POU6F2: variants seen among roughly 807,000 people sequenced by gnomAD.
POU6F2 encodes the protein POU domain, class 6, transcription factor 2.
Under a neutral mutation model 71.3 loss-of-function variants are expected in POU6F2, and 31 were observed. The ratio of observed to expected loss-of-function variants is 0.43; its 90% CI spans 0.33 to 0.59. The LOEUF is 0.59. Ranked by LOEUF, POU6F2 falls within the 20% of genes least tolerant of loss-of-function variation. The pLI, the probability that POU6F2 is intolerant of heterozygous loss-of-function variation, is 0.04. For synonymous variants in POU6F2, 347 were observed against 355.7 expected (o/e 0.98, Z 0.27); for missense variants, 783 against 856.8 (o/e 0.91, Z 1.07).
At chr7:39,124,124 G>A (rs1223773740) in intron 2 of POU6F2, among the ~76,000 whole-genome samples, 1 of 142,434 alleles carries the variant, frequency 7.0e-6, no homozygotes, top group East Asian at 2.2e-4. Flanking sequence ...TTGGCTCACT[G>A]CAACCTCCAC....
At chr7:39,440,871 C>CTTGTTG (rs201369280) in intron 7 of POU6F2, among the ~76,000 whole-genome samples, 81 of 151,922 alleles carry the variant, frequency 5.3e-4, no homozygotes, top group African/African-American at 1.6e-3. Flanking sequence ...TTTGTGAGGG[C>CTTGTTG]TTGTTGTTGT....
chr7:39,059,640 C>A (rs1790610607), intron 1 of POU6F2, among the ~76,000 whole-genome samples: 1 of 152,044 alleles, frequency 6.6e-6, no homozygotes, highest in African/African-American at 2.4e-5. Context: ...AATGTTAAAC[C>A]TATAGTTACC....
intron 1 of POU6F2, among the ~76,000 whole-genome samples, chr7:38,990,363 G>A (rs919745052): frequency 1.3e-5 from 2 of 152,090 alleles, no homozygotes; most frequent in African/African-American, 4.8e-5. Flanking sequence ...TTGTGGCCCT[G>A]GAGATGGAGT....
intron 1 of POU6F2, among the ~76,000 whole-genome samples, chr7:39,076,466 G>A (rs914681005): frequency 1.3e-5 from 2 of 152,090 alleles, no homozygotes; most frequent in Admixed American, 1.3e-4. Flanking sequence ...ATTTACCTAT[G>A]TAACAAACCT....
intron 5 of POU6F2, chr7:39,404,576 C>A (rs966361869): frequency 1.3e-5 from 2 of 152,148 alleles, no homozygotes; most frequent in African/African-American, 4.8e-5. Context: ...ACATTAAGAT[C>A]CAACTGAACA....
chr7:39,262,958 G>T, intron 4 of POU6F2, among the ~76,000 whole-genome samples: 1 of 152,072 alleles, frequency 6.6e-6, no homozygotes, highest in Non-Finnish European at 1.5e-5. Flanking sequence ...GAAAACAGAC[G>T]GGTTTCCTAA....
chr7:39,016,057 T>TATATATAATACATAGATATATATC (rs1789531872), intron 1 of POU6F2, among the ~76,000 whole-genome samples: 3 of 37,916 alleles, frequency 7.9e-5, no homozygotes, highest in Non-Finnish European at 1.6e-4. Context: ...TTATATATAT[T>TATATATAATACATAGATATATATC]ATATATAATA....
At chr7:39,401,749 C>A (rs944199738) in intron 5 of POU6F2, among the ~76,000 whole-genome samples, 1 of 152,146 alleles carries the variant, frequency 6.6e-6, no homozygotes, top group Admixed American at 6.5e-5. Flanking sequence ...TATGAATATC[C>A]TCATTTGAAA....
intron 2 of POU6F2, among the ~76,000 whole-genome samples, chr7:39,119,310 T>C (rs1791995420): frequency 2.0e-5 from 3 of 152,290 alleles, no homozygotes; most frequent in African/African-American, 7.2e-5. Context: ...GATTTACAGA[T>C]AGAAAATTAC....
At chr7:39,245,455 A>G (rs1451568575) in intron 4 of POU6F2, among the ~76,000 whole-genome samples, 2 of 152,212 alleles carry the variant, frequency 1.3e-5, no homozygotes, top group East Asian at 3.8e-4. Flanking sequence ...CCATTGGCCC[A>G]AGAGGTTGTC....
At chr7:39,107,141 C>T (rs867551133) in intron 2 of POU6F2, among the ~76,000 whole-genome samples, 4 of 151,058 alleles carry the variant, frequency 2.6e-5, no homozygotes, top group African/African-American at 9.7e-5. Context: ...ACCTTCTGGG[C>T]CCAAGTAATT....
chr7:39,114,859 C>T (rs1178757792), intron 2 of POU6F2, among the ~76,000 whole-genome samples: 1 of 152,092 alleles, frequency 6.6e-6, no homozygotes, highest in Non-Finnish European at 1.5e-5. Context: ...ATATTAGTTA[C>T]TCACATACAT....
At chr7:39,046,110 C>G (rs1321920440) in intron 1 of POU6F2, among the ~76,000 whole-genome samples, 1 of 151,786 alleles carries the variant, frequency 6.6e-6, no homozygotes, top group African/African-American at 2.4e-5. Flanking sequence ...CACCTTCTTG[C>G]CAAAAATTGA....
At chr7:38,986,999 A>G (rs1788479585) in intron 1 of POU6F2, among the ~76,000 whole-genome samples, 1 of 152,104 alleles carries the variant, frequency 6.6e-6, no homozygotes. Context: ...TTCTCTCTTG[A>G]TCTAGCTTTT....
At chr7:39,385,959 A>G (rs1049765455) in intron 5 of POU6F2, among the ~76,000 whole-genome samples, 2 of 152,046 alleles carry the variant, frequency 1.3e-5, no homozygotes, top group Admixed American at 1.3e-4. Context: ...CTAAAAAAAA[A>G]TACAAATAAT....
intron 2 of POU6F2, among the ~76,000 whole-genome samples, chr7:39,186,265 TGC>T (rs1793538190): frequency 6.6e-6 from 1 of 152,162 alleles, no homozygotes; most frequent in African/African-American, 2.4e-5. Context: ...ATAGCTCTCC[TGC>T]GGGGCAAGGA....
chr7:39,408,659 C>T (rs1295926776), intron 6 of POU6F2, among the ~76,000 whole-genome samples: 2 of 152,204 alleles, frequency 1.3e-5, no homozygotes, highest in Middle Eastern at 6.3e-3. Context: ...AAAAAAATTA[C>T]ATTCACAGAG....
At chr7:39,217,307 A>C (rs567644512) in intron 4 of POU6F2, among the ~76,000 whole-genome samples, 1 of 151,190 alleles carries the variant, frequency 6.6e-6, no homozygotes, top group Non-Finnish European at 1.5e-5. Flanking sequence ...GATTTTGTTG[A>C]TCGAAGGAGA....
intron 2 of POU6F2, among the ~76,000 whole-genome samples, chr7:39,112,007 G>C (rs372574039): frequency 6.6e-6 from 1 of 152,310 alleles, no homozygotes; most frequent in South Asian, 2.1e-4. Flanking sequence ...AATGTGGCCT[G>C]TTGAGAAGGT....
Sources: gnomAD v4.1 joint callset for allele counts (sites outside exome capture counted in the v4.1 genomes callset) on GRCh38, gnomAD v4.1.1 for gene constraint, MANE v1.5 for transcripts, NCBI Gene and HGNC (gene_info 2026-07-23, HGNC 2026-07-21) for gene names.